Variants in PARD3 observed in about 807,000 individuals in gnomAD.
The protein encoded by PARD3 is par-3 family cell polarity regulator.
In PARD3, 75 loss-of-function variants were observed where a neutral mutation model predicts 155.4. That is an observed-to-expected ratio of 0.48 (90% CI 0.40 to 0.58). The LOEUF is 0.58. Ranked by LOEUF, PARD3 falls within the 20% of genes least tolerant of loss-of-function variation. The pLI, the probability that PARD3 is intolerant of heterozygous loss-of-function variation, is 0.00. For missense variants in PARD3, 1,642 were observed against 1,721.7 expected (o/e 0.95, Z 0.82); for synonymous variants, 576 against 610.5 (o/e 0.94, Z 0.83).
chr10:34,384,110 G>A lies in PARD3; in HGVS notation c.1016+19C>T, dbSNP rs750809118. The A allele has an allele frequency of 3.4e-5, 54 of 1,610,358 alleles. No individual in the cohort carries two copies. The highest frequency in any genetic ancestry group is 4.5e-5 in the Non-Finnish European group (53 of 1,177,966). ...GCCTAATGCAAGTAAGAACAGAAGT[G>A]CAGCGAGCACACACTTACTGTTCAA... On this transcript the variant is annotated intron_variant, in intron 8 of 24. Coordinates refer to ENST00000374788, the MANE Select transcript of PARD3 (RefSeq NM_001184785.2).
At position 34,317,271 on chromosome 10, in the gene PARD3, A is replaced by C; in HGVS notation, c.2901T>G (p.Pro967=). The C allele has an allele frequency of 6.2e-7, 1 of 1,613,742 alleles. No individual in the cohort carries two copies. Among genetic ancestry groups the C allele is most frequent in the South Asian group, 1.1e-5 (1 of 91,052 alleles). Reference sequence around the variant, plus strand: ...TCATTTGTCTCTCCAGAGAGTGGGAAGGCTGATCACTGGCTGTGGATACAG... The same window carrying C: ...TCATTTGTCTCTCCAGAGAGTGGGACGGCTGATCACTGGCTGTGGATACAG... ...RESVSTASDQ[P]SHSLERQMNG... The change falls in exon 20 of 25, where the codon CCT becomes CCG. Residue 967 remains proline (P), a synonymous_variant. Coordinates refer to ENST00000374788, the MANE Select transcript of PARD3 (RefSeq NM_001184785.2).
At chr10:34,794,388 T>C (rs74134424) in intron 1 of PARD3, among the ~76,000 whole-genome samples, 2 of 152,326 alleles carry the variant, frequency 1.3e-5, no homozygotes, top group South Asian at 2.1e-4. Flanking sequence ...CTTTGATAAA[T>C]AGTATATTAT....
intron 5 of PARD3, among the ~76,000 whole-genome samples, chr10:34,435,014 AAAAT>A (rs1346194687): frequency 6.6e-6 from 1 of 152,248 alleles, no homozygotes; most frequent in African/African-American, 2.4e-5. Context: ...ATAGAAAACC[AAAAT>A]AAATAAAGGT....
chr10:34,158,969 A>G (rs1949144579), intron 22 of PARD3, among the ~76,000 whole-genome samples: 1 of 152,218 alleles, frequency 6.6e-6, no homozygotes, highest in African/African-American at 2.4e-5. Flanking sequence ...TTTCCATCAG[A>G]TATTTCCAAG....
rs1016060011 is a variant in PARD3 at position 34,167,113 on chromosome 10, G to A, written c.3420-35530C>T. On this transcript the variant is annotated intron_variant, in intron 22 of 24. Coordinates refer to ENST00000374788, the MANE Select transcript of PARD3 (RefSeq NM_001184785.2). ...TCTGCTGTCTAAATCTGCCGCTTAC[G>A]GGCCTGGGTCTGTGTGTCTGAGGGA... 3.3e-5 allele frequency among the ~76,000 whole-genome samples: 5 copies of A among 152,142 alleles called. No homozygotes were observed. In the South Asian group the frequency reaches 8.3e-4, roughly 25 times the overall value.
intron 2 of PARD3, among the ~76,000 whole-genome samples, chr10:34,661,061 T>C (rs917694560): frequency 8.5e-5 from 13 of 152,188 alleles, no homozygotes; most frequent in Non-Finnish European, 1.5e-5. Flanking sequence ...ACTTTTTACA[T>C]GGGGCAGAAA....
Position 34,120,819 on chromosome 10 carries a change from T to C in PARD3, c.3541-1079A>G, listed in dbSNP as rs553436513. Among the ~76,000 whole-genome samples, 9 of 152,324 alleles carry C rather than the reference T, an allele frequency of 5.9e-5. No homozygotes were observed. In the East Asian group the frequency reaches 1.5e-3, roughly 26 times the overall value. On this transcript the variant is annotated intron_variant, in intron 23 of 24. Coordinates refer to ENST00000374788, the MANE Select transcript of PARD3 (RefSeq NM_001184785.2). Reference sequence around the variant, plus strand: ...TAGAGAACACTTCAATCCTTCTAACTAAATACTTTGGTTAGCACTCCATTT... The same window carrying C: ...TAGAGAACACTTCAATCCTTCTAACCAAATACTTTGGTTAGCACTCCATTT...
chr10:34,487,402 T>C lies in PARD3; in HGVS notation c.404-17139A>G, dbSNP rs114878043. On this transcript the variant is annotated intron_variant, in intron 3 of 24. Coordinates refer to ENST00000374788, the MANE Select transcript of PARD3 (RefSeq NM_001184785.2). ...GTTTGTTAAAGTGTTACTGTATAAATAAATTAAGAAAATGAATGACTTCCA... is the reference window on the plus strand; with the variant it reads ...GTTTGTTAAAGTGTTACTGTATAAACAAATTAAGAAAATGAATGACTTCCA... Among the ~76,000 whole-genome samples the C allele has an allele frequency of 1.7e-3, 258 of 152,070 alleles. 1 individual carries two copies. The highest frequency in any genetic ancestry group is 5.8e-3 in the African/African-American group (240 of 41,464).
In PARD3 at chr10:34,321,969, C is replaced by A. The variant is rs568066583; in HGVS notation, c.2834-4631G>T. Among the ~76,000 whole-genome samples the A allele has an allele frequency of 5.1e-4, 77 of 152,244 alleles. 2 individuals carry two copies. The highest frequency in any genetic ancestry group is 6.8e-3 in the Middle Eastern group (2 of 294). ...GGTCATTAGAGTCTATTTCCCCCCC[C>A]CATTGAGAAGTGATGCTACTGTTGA... On this transcript the variant is annotated intron_variant, in intron 19 of 24. Coordinates refer to ENST00000374788, the MANE Select transcript of PARD3 (RefSeq NM_001184785.2).
chr10:34,341,563 C>T, intron 16 of PARD3, 64 bp downstream of exon 16: 1 of 1,284,640 alleles, frequency 7.8e-7, no homozygotes. Context: ...TAGCAGTAAG[C>T]CACTTAAACA....
intron 22 of PARD3, among the ~76,000 whole-genome samples, chr10:34,235,675 C>A (rs181391831): frequency 6.6e-5 from 10 of 152,234 alleles, no homozygotes; most frequent in Non-Finnish European, 1.5e-4. Flanking sequence ...TTGGATCTTG[C>A]CGAGTTCTGA....
intron 5 of PARD3, among the ~76,000 whole-genome samples, chr10:34,419,430 T>C (rs1279371002): frequency 1.3e-5 from 2 of 152,058 alleles, no homozygotes; most frequent in East Asian, 1.9e-4. Flanking sequence ...GACAGGAGAA[T>C]TGCTTGAACC....
At chr10:34,407,886 A>G (rs1341641998) in intron 5 of PARD3, among the ~76,000 whole-genome samples, 1 of 152,116 alleles carries the variant, frequency 6.6e-6, no homozygotes, top group Non-Finnish European at 1.5e-5. Context: ...TACCACAAAA[A>G]AAGTACAGGA....
At chr10:34,167,239 T>C (rs541482687) in intron 22 of PARD3, among the ~76,000 whole-genome samples, 85 of 152,260 alleles carry the variant, frequency 5.6e-4, no homozygotes, top group Middle Eastern at 3.4e-3. Flanking sequence ...AGTTTGACTA[T>C]AATAAAGTAT....
At chr10:34,515,259 G>T (rs1245949445) in intron 3 of PARD3, among the ~76,000 whole-genome samples, 2 of 152,122 alleles carry the variant, frequency 1.3e-5, no homozygotes, top group Admixed American at 6.5e-5. Flanking sequence ...CAAATCTAAT[G>T]TAAGAATTTT....
intron 22 of PARD3, among the ~76,000 whole-genome samples, chr10:34,253,499 G>A (rs909960274): frequency 4.6e-5 from 7 of 152,268 alleles, no homozygotes; most frequent in Admixed American, 6.5e-5. Flanking sequence ...GATGAGCCAC[G>A]GTACCTGAGG....
chr10:34,459,347 A>G (rs1192281760), intron 4 of PARD3, among the ~76,000 whole-genome samples: 1 of 150,608 alleles, frequency 6.6e-6, no homozygotes. Flanking sequence ...TTTTTTTTGT[A>G]TTTTTAGTAG....
chr10:34,513,141 C>T (rs1321169113), intron 3 of PARD3, among the ~76,000 whole-genome samples: 5 of 152,090 alleles, frequency 3.3e-5, no homozygotes, highest in Non-Finnish European at 7.4e-5. Flanking sequence ...GAAATGTTTA[C>T]TGTAAAAATT....
At chr10:34,369,895 A>G (rs766630184) in intron 12 of PARD3, among the ~76,000 whole-genome samples, 4 of 152,196 alleles carry the variant, frequency 2.6e-5, no homozygotes, top group Non-Finnish European at 4.4e-5. Flanking sequence ...AAGAAACACT[A>G]ATAAAAAGAG....
Sources: gnomAD v4.1 joint callset for allele counts (sites outside exome capture counted in the v4.1 genomes callset) on GRCh38, gnomAD v4.1.1 for gene constraint, MANE v1.5 for transcripts, NCBI Gene and HGNC (gene_info 2026-07-23, HGNC 2026-07-21) for gene names.